Variants in IBTK observed in about 807,000 individuals in gnomAD.
IBTK encodes inhibitor of Bruton tyrosine kinase.
A neutral mutation model predicts 154.9 loss-of-function variants in IBTK; 83 were observed. The observed-to-expected ratio is 0.54, with a 90% CI of 0.45 to 0.64. The LOEUF is 0.64. Ranked by LOEUF, IBTK falls within the 30% of genes least tolerant of loss-of-function variation. The pLI is 0.00. For missense variants in IBTK, 1,332 were observed against 1,584.6 expected (o/e 0.84, Z 2.71); for synonymous variants, 515 against 536.1 (o/e 0.96, Z 0.54).
Position 82,216,390 on chromosome 6 carries a change from A to G in IBTK, c.1427-140T>C, listed in dbSNP as rs930300454. On this transcript the variant is annotated intron_variant, in intron 10 of 28. Coordinates refer to ENST00000306270, the MANE Select transcript of IBTK (RefSeq NM_015525.4). ...ATATTCAGTGTTTTTGAAGAACTAC[A>G]TCCTCTCTTCAACACATTTTCCACT... The G allele has an allele frequency of 4.9e-6, 3 of 611,924 alleles. No homozygotes were observed. The African/African-American group carries it at 5.6e-5, about 11-fold the overall frequency. The allele number at this position is 611,924 out of a possible 1,614,324, so 37.9% of individuals were successfully genotyped here.
intron 25 of IBTK, among the ~76,000 whole-genome samples, chr6:82,189,805 T>G (rs1197660619): frequency 6.6e-6 from 1 of 152,244 alleles, no homozygotes; most frequent in Non-Finnish European, 1.5e-5. Flanking sequence ...CAAAGCTTCA[T>G]CATGAGCTTA....
chr6:82,229,242 G>A (rs984424588), intron 4 of IBTK, among the ~76,000 whole-genome samples: 1 of 151,910 alleles, frequency 6.6e-6, no homozygotes, highest in Non-Finnish European at 1.5e-5. Context: ...CACAAAACAC[G>A]CCCACTGCCT....
At chr6:82,186,913 CTTTT>C (rs138781864) in intron 25 of IBTK, among the ~76,000 whole-genome samples, 23 of 103,652 alleles carry the variant, frequency 2.2e-4, no homozygotes, top group Non-Finnish European at 3.3e-4. Context: ...TTATCAAATT[CTTTT>C]TTTTTTTTTT....
intron 1 of IBTK, among the ~76,000 whole-genome samples, chr6:82,242,251 C>T (rs553023945): frequency 1.3e-5 from 2 of 152,180 alleles, no homozygotes; most frequent in South Asian, 4.1e-4. Context: ...TGCCTGTAAT[C>T]TCAGCTACTC....
intron 2 of IBTK, among the ~76,000 whole-genome samples, chr6:82,239,099 A>T (rs1168816390): frequency 2.0e-5 from 3 of 151,962 alleles, no homozygotes; most frequent in African/African-American, 7.3e-5. Flanking sequence ...GAAACATACT[A>T]CTCAAAAACA....
intron 2 of IBTK, among the ~76,000 whole-genome samples, chr6:82,236,149 C>T (rs183735340): frequency 2.6e-5 from 4 of 152,294 alleles, no homozygotes; most frequent in Non-Finnish European, 5.9e-5. Context: ...GCTGGAATTA[C>T]AGTTGTGAGC....
At position 82,216,189 on chromosome 6, in the gene IBTK, A is replaced by G. The variant is rs1769867336; in HGVS notation, c.1488T>C (p.Ser496=). 1 of 1,611,726 alleles carries G rather than the reference A, an allele frequency of 6.2e-7. No homozygotes were observed. Among genetic ancestry groups the G allele is most frequent in the Admixed American group, 1.7e-5 (1 of 59,888 alleles). Residue 496 remains serine (S), a synonymous_variant, in exon 11 of 29, where the codon AGT becomes AGC. Transcript: ENST00000306270. ...TCTCAAGTCGAATTCTTTCATACAC[A>G]CTATTTATATCAGAGACATAAGACA... ...SDVSYVSDIN[S]VYERIRLEKL...
intron 16 of IBTK, among the ~76,000 whole-genome samples, chr6:82,209,551 C>T (rs570650034): frequency 2.6e-5 from 4 of 152,086 alleles, no homozygotes; most frequent in East Asian, 1.9e-4. Context: ...GGGTTTTCCA[C>T]GGACTGGGGA....
chr6:82,216,845 A>G (rs1287418449), intron 10 of IBTK, among the ~76,000 whole-genome samples: 1 of 152,190 alleles, frequency 6.6e-6, no homozygotes, highest in Non-Finnish European at 1.5e-5. Context: ...TGATTATATC[A>G]TTACAAGTAA....
At chr6:82,221,987 A>G (rs1010621359) in intron 8 of IBTK, among the ~76,000 whole-genome samples, 4 of 152,150 alleles carry the variant, frequency 2.6e-5, no homozygotes, top group Admixed American at 2.0e-4. Context: ...CAAAATGGAG[A>G]AACCCCATCT....
chr6:82,235,874 GT>G (rs201598356), intron 2 of IBTK, among the ~76,000 whole-genome samples: 3 of 151,262 alleles, frequency 2.0e-5, no homozygotes, highest in Non-Finnish European at 4.4e-5. Context: ...TGTTGTTATT[GT>G]TTTTTTTGGT....
chr6:82,190,129 T>C (rs1274907071), intron 25 of IBTK, among the ~76,000 whole-genome samples: 1 of 152,196 alleles, frequency 6.6e-6, no homozygotes, highest in African/African-American at 2.4e-5. Flanking sequence ...TTACTTTCTT[T>C]TTCAGTAACC....
At chr6:82,216,421 T>C (rs904014541) in intron 10 of IBTK, among the ~76,000 whole-genome samples, 171 bp from the exon 11 acceptor site, 1 of 152,228 alleles carries the variant, frequency 6.6e-6, no homozygotes, top group African/African-American at 2.4e-5. Context: ...CCACTGAATA[T>C]ATTGGCTGTA....
intron 8 of IBTK, among the ~76,000 whole-genome samples, chr6:82,221,451 C>T (rs912691741): frequency 1.3e-5 from 2 of 152,094 alleles, no homozygotes; most frequent in African/African-American, 2.4e-5. Flanking sequence ...TAAAAAATGG[C>T]TAATCCTAAA....
rs538044524 is a variant in IBTK at position 82,177,584 on chromosome 6, T to A, written c.3726-4146A>T. On this transcript the variant is annotated intron_variant, in intron 26 of 28. Transcript: ENST00000306270. Reference sequence around the variant, plus strand: ...TGTGCCACCCCTGGCCCGGCTAATTTTATATTTTTAGTAGAGATAGGGTTT... The same window carrying A: ...TGTGCCACCCCTGGCCCGGCTAATTATATATTTTTAGTAGAGATAGGGTTT... Among the ~76,000 whole-genome samples the A allele has an allele frequency of 2.0e-5, 3 of 152,156 alleles. No individual in the cohort carries two copies. In the East Asian group the frequency reaches 5.8e-4, roughly 29 times the overall value.
At position 82,173,328 on chromosome 6, in the gene IBTK, C is replaced by T. The variant is rs372652954; in HGVS notation, c.3797+39G>A. On this transcript the variant is annotated intron_variant, in intron 27 of 28. Transcript: ENST00000306270. ...TAATGTTTTCAATGCTAAGCAGCAA[C>T]TTAGCTTTGGAGGCCCATAACTTAT... 159 of 1,454,422 alleles carry T rather than the reference C, an allele frequency of 1.1e-4. No homozygotes were observed. In the African/African-American group the frequency reaches 2.0e-3, roughly 18 times the overall value. The allele number at this position is 1,454,422 out of a possible 1,614,324, so 90.1% of individuals were successfully genotyped here.
At chr6:82,201,312 C>A in intron 19 of IBTK, 110 bp downstream of exon 19, 1 of 595,084 alleles carries the variant, frequency 1.7e-6, no homozygotes, top group Non-Finnish European at 2.8e-6. Context: ...TTTAAAAGAT[C>A]CTAATGTACT....
At chr6:82,195,743 A>G (rs1001113130) in intron 22 of IBTK, among the ~76,000 whole-genome samples, 6 of 152,148 alleles carry the variant, frequency 3.9e-5, no homozygotes, top group African/African-American at 9.7e-5. Flanking sequence ...TTTTTCTCTA[A>G]TAGGTTAACA....
chr6:82,201,979 GCCTCCCAAA>G (rs1769227175), intron 18 of IBTK, among the ~76,000 whole-genome samples: 1 of 152,068 alleles, frequency 6.6e-6, no homozygotes, highest in African/African-American at 2.4e-5. Context: ...ACCTGCCTCA[GCCTCCCAAA>G]GTGCTGGGAT....
Sources: gnomAD v4.1 joint callset for allele counts (sites outside exome capture counted in the v4.1 genomes callset) on GRCh38, gnomAD v4.1.1 for gene constraint, MANE v1.5 for transcripts, NCBI Gene and HGNC (gene_info 2026-07-23, HGNC 2026-07-21) for gene names.